Variants in FGGY observed in about 807,000 individuals in gnomAD.
FGGY encodes the protein FGGY carbohydrate kinase domain containing.
A neutral mutation model predicts 71.3 loss-of-function variants in FGGY; 72 were observed. That is an observed-to-expected ratio of 1.01 (90% CI 0.84 to 1.23). FGGY has a LOEUF of 1.23. Among genes scored for constraint, FGGY ranks in the 50% most tolerant of loss-of-function variants. FGGY has a pLI of 0.00. For synonymous variants in FGGY, 251 were observed against 250.3 expected (o/e 1.00, Z -0.02); for missense variants, 668 against 682.3 (o/e 0.98, Z 0.23).
intron 14 of FGGY, among the ~76,000 whole-genome samples, chr1:59,741,898 C>G (rs2098152066): frequency 6.8e-6 from 1 of 146,320 alleles, no homozygotes; most frequent in African/African-American, 2.5e-5. Flanking sequence ...AAGATCGTAG[C>G]ACTGCACTCC....
chr1:59,419,103 G>C (rs2064986837), intron 5 of FGGY, among the ~76,000 whole-genome samples: 1 of 152,220 alleles, frequency 6.6e-6, no homozygotes, highest in African/African-American at 2.4e-5. Flanking sequence ...GGTCCGCAAT[G>C]CATATCAATG....
intron 1 of FGGY, among the ~76,000 whole-genome samples, chr1:59,307,178 A>G (rs1166556656): frequency 6.6e-6 from 1 of 151,718 alleles, no homozygotes; most frequent in Non-Finnish European, 1.5e-5. Flanking sequence ...TTGTGTCATG[A>G]TGGTGCATGC....
intron 8 of FGGY, among the ~76,000 whole-genome samples, chr1:59,588,312 G>A (rs374848559): frequency 3.9e-5 from 6 of 152,138 alleles, no homozygotes; most frequent in East Asian, 1.9e-4. Context: ...CCAAATCTAC[G>A]TCTGATTGGT....
At chr1:59,455,623 G>T (rs531846194) in intron 5 of FGGY, among the ~76,000 whole-genome samples, 49 of 152,170 alleles carry the variant, frequency 3.2e-4, no homozygotes, top group Admixed American at 3.0e-3. Flanking sequence ...TATAAAGTTT[G>T]CCCTGGGTAC....
At chr1:59,394,155 C>T (rs1437310851) in intron 5 of FGGY, among the ~76,000 whole-genome samples, 1 of 152,222 alleles carries the variant, frequency 6.6e-6, no homozygotes, top group East Asian at 1.9e-4. Context: ...GCCTAGTGCC[C>T]TATCAAGCAA....
chr1:59,415,628 G>A (rs1328884402), intron 5 of FGGY, among the ~76,000 whole-genome samples: 1 of 152,172 alleles, frequency 6.6e-6, no homozygotes, highest in Non-Finnish European at 1.5e-5. Flanking sequence ...CTTCTCCTCT[G>A]AGCTCCTGCA....
At chr1:59,707,890 T>C (rs545770243) in intron 14 of FGGY, among the ~76,000 whole-genome samples, 2 of 152,206 alleles carry the variant, frequency 1.3e-5, no homozygotes, top group South Asian at 2.1e-4. Flanking sequence ...TCTGTTTGAA[T>C]AGGTGTTTAC....
At chr1:59,376,216 A>G (rs191383403) in intron 4 of FGGY, among the ~76,000 whole-genome samples, 11 of 152,316 alleles carry the variant, frequency 7.2e-5, no homozygotes, top group Non-Finnish European at 1.3e-4. Context: ...AGTATCTTTA[A>G]GTTTTGCTTG....
intron 7 of FGGY, among the ~76,000 whole-genome samples, chr1:59,537,934 T>A (rs1345560613): frequency 6.6e-6 from 1 of 152,196 alleles, no homozygotes; most frequent in African/African-American, 2.4e-5. Flanking sequence ...AACATAGGCA[T>A]GGGCAAGGAC....
intron 10 of FGGY, among the ~76,000 whole-genome samples, chr1:59,629,224 T>TAAATAAATA (rs142808830): frequency 0.064 from 9,718 of 151,936 alleles, 806 homozygotes; most frequent in African/African-American, 0.19. Flanking sequence ...AATGAATAAA[T>TAAATAAATA]AATAAATAAA....
chr1:59,497,448 C>T (rs534089576), intron 6 of FGGY, among the ~76,000 whole-genome samples: 1 of 152,216 alleles, frequency 6.6e-6, no homozygotes, highest in South Asian at 2.1e-4. Context: ...ATTAGCCAGG[C>T]GTGGTGGCAG....
intron 7 of FGGY, among the ~76,000 whole-genome samples, chr1:59,514,276 T>G (rs2094585954): frequency 6.6e-6 from 1 of 152,180 alleles, no homozygotes; most frequent in Non-Finnish European, 1.5e-5. Flanking sequence ...TGACAATCAC[T>G]TGGCTGGGAC....
chr1:59,729,693 G>A (rs530512284), intron 14 of FGGY, among the ~76,000 whole-genome samples: 2 of 152,244 alleles, frequency 1.3e-5, no homozygotes, highest in South Asian at 2.1e-4. Context: ...GGGTCATGTC[G>A]ATGTGGTTTT....
At chr1:59,578,874 A>G (rs1232606245) in intron 8 of FGGY, among the ~76,000 whole-genome samples, 1 of 152,052 alleles carries the variant, frequency 6.6e-6, no homozygotes, top group Admixed American at 6.6e-5. Flanking sequence ...GCTTGCTTTA[A>G]TAGCTCCCAT....
chr1:59,350,409 A>T (rs1288866495), intron 4 of FGGY, among the ~76,000 whole-genome samples: 2 of 152,166 alleles, frequency 1.3e-5, no homozygotes, highest in Non-Finnish European at 2.9e-5. Flanking sequence ...GGGAAAAAGG[A>T]TTTGCTTCCC....
intron 14 of FGGY, among the ~76,000 whole-genome samples, chr1:59,754,460 G>A (rs1453061990): frequency 3.3e-5 from 5 of 152,048 alleles, no homozygotes; most frequent in Non-Finnish European, 5.9e-5. Flanking sequence ...CTGTCTCCCA[G>A]GCTGGAGTGC....
chr1:59,676,016 C>G (rs2097431914), intron 14 of FGGY, among the ~76,000 whole-genome samples: 1 of 152,120 alleles, frequency 6.6e-6, no homozygotes, highest in South Asian at 2.1e-4. Flanking sequence ...AAGTCCATTT[C>G]TATAGGCCAA....
At chr1:59,663,217 T>C (rs999859772) in intron 12 of FGGY, among the ~76,000 whole-genome samples, 1 of 152,180 alleles carries the variant, frequency 6.6e-6, no homozygotes, top group Admixed American at 6.5e-5. Context: ...GGAGGACCAT[T>C]TGCCGAGGTC....
At chr1:59,455,661 A>T (rs2091612972) in intron 5 of FGGY, among the ~76,000 whole-genome samples, 1 of 152,208 alleles carries the variant, frequency 6.6e-6, no homozygotes, top group South Asian at 2.1e-4. Context: ...ATAAGGCAAT[A>T]AGACTGTAGG....
Sources: gnomAD v4.1 joint callset for allele counts (sites outside exome capture counted in the v4.1 genomes callset) on GRCh38, gnomAD v4.1.1 for gene constraint, MANE v1.5 for transcripts, NCBI Gene and HGNC (gene_info 2026-07-23, HGNC 2026-07-21) for gene names.